The following HPSE2 variants were observed in gnomAD, a reference collection of about 807,000 sequenced individuals.
The protein encoded by HPSE2 is inactive heparanase-2.
A neutral mutation model predicts 60.5 loss-of-function variants in HPSE2; 38 were observed. The ratio of observed to expected loss-of-function variants is 0.63; its 90% CI spans 0.48 to 0.82. The LOEUF (loss-of-function observed/expected upper bound fraction) is 0.82. Among genes scored for constraint, HPSE2 ranks in the 40% least tolerant of loss-of-function variants. The pLI, the probability that HPSE2 is intolerant of heterozygous loss-of-function variation, is 0.00. For synonymous variants in HPSE2, 295 were observed against 293.2 expected (o/e 1.01, Z -0.06); for missense variants, 713 against 740.4 (o/e 0.96, Z 0.43).
intron 6 of HPSE2, among the ~76,000 whole-genome samples, chr10:98,647,404 G>A (rs1283587257): frequency 6.6e-6 from 1 of 152,176 alleles, no homozygotes; most frequent in African/African-American, 2.4e-5. Context: ...TTTATTTCAG[G>A]TAATTGCATT....
intron 2 of HPSE2, among the ~76,000 whole-genome samples, chr10:99,181,705 G>C (rs1471605363): frequency 5.3e-5 from 8 of 152,110 alleles, no homozygotes; most frequent in Non-Finnish European, 1.5e-5. Flanking sequence ...ACAGGGAGGG[G>C]AACATCACAC....
chr10:98,528,762 G>T (rs1943047118), intron 9 of HPSE2, among the ~76,000 whole-genome samples: 1 of 152,204 alleles, frequency 6.6e-6, no homozygotes, highest in African/African-American at 2.4e-5. Flanking sequence ...TTAGAACATG[G>T]GGAGCCAAGT....
At chr10:98,730,967 G>T (rs1428737931) in intron 4 of HPSE2, among the ~76,000 whole-genome samples, 1 of 152,120 alleles carries the variant, frequency 6.6e-6, no homozygotes, top group Non-Finnish European at 1.5e-5. Flanking sequence ...GGCCAATATT[G>T]CCCTGACACC....
chr10:98,761,498 A>T (rs1165060254), intron 3 of HPSE2, among the ~76,000 whole-genome samples: 2 of 151,892 alleles, frequency 1.3e-5, no homozygotes, highest in Non-Finnish European at 2.9e-5. Context: ...TTTTTTCTTA[A>T]TGTAGGCATT....
At chr10:98,806,680 T>C (rs921371809) in intron 3 of HPSE2, among the ~76,000 whole-genome samples, 1 of 152,254 alleles carries the variant, frequency 6.6e-6, no homozygotes, top group African/African-American at 2.4e-5. Flanking sequence ...GTTAAATGGA[T>C]ATAATACTTT....
intron 9 of HPSE2, among the ~76,000 whole-genome samples, chr10:98,523,823 A>G (rs972358388): frequency 6.6e-6 from 1 of 152,226 alleles, no homozygotes; most frequent in Non-Finnish European, 1.5e-5. Flanking sequence ...CTGCCTCAGT[A>G]AAGTTTCCTT....
chr10:99,109,603 A>C (rs958999345), intron 3 of HPSE2, among the ~76,000 whole-genome samples: 9 of 152,046 alleles, frequency 5.9e-5, no homozygotes, highest in Non-Finnish European at 8.8e-5. Flanking sequence ...ATCTCAAGAG[A>C]AGTGTTCTCA....
intron 3 of HPSE2, among the ~76,000 whole-genome samples, chr10:98,944,768 C>G (rs1396334601): frequency 6.6e-6 from 1 of 152,094 alleles, no homozygotes; most frequent in Non-Finnish European, 1.5e-5. Flanking sequence ...CTTCATTCAT[C>G]CATGTTTGAA....
intron 3 of HPSE2, among the ~76,000 whole-genome samples, chr10:98,813,192 G>A (rs773547331): frequency 4.6e-5 from 7 of 152,198 alleles, no homozygotes; most frequent in South Asian, 2.1e-4. Flanking sequence ...CTTACCAAGC[G>A]TTAAACAACT....
At chr10:99,222,745 G>A (rs1182052468) in intron 2 of HPSE2, among the ~76,000 whole-genome samples, 2 of 152,052 alleles carry the variant, frequency 1.3e-5, no homozygotes, top group Non-Finnish European at 2.9e-5. Flanking sequence ...TGGATCAGTT[G>A]TTGTTCTACT....
chr10:98,903,958 A>C (rs1161733590), intron 3 of HPSE2, among the ~76,000 whole-genome samples: 1 of 152,124 alleles, frequency 6.6e-6, no homozygotes, highest in African/African-American at 2.4e-5. Flanking sequence ...TTATAATCTT[A>C]AGTCAGTCAT....
At chr10:99,102,038 A>T (rs1844018917) in intron 3 of HPSE2, among the ~76,000 whole-genome samples, 1 of 152,362 alleles carries the variant, frequency 6.6e-6, no homozygotes, top group Non-Finnish European at 1.5e-5. Flanking sequence ...AGCAGGAAAG[A>T]TCTAAAATTG....
At chr10:99,124,386 G>C (rs1845085112) in intron 3 of HPSE2, among the ~76,000 whole-genome samples, 1 of 152,164 alleles carries the variant, frequency 6.6e-6, no homozygotes, top group African/African-American at 2.4e-5. Flanking sequence ...GCTTGAAGGT[G>C]GGGCTTCACC....
intron 3 of HPSE2, among the ~76,000 whole-genome samples, chr10:98,917,150 A>T (rs887179124): frequency 1.3e-5 from 2 of 152,202 alleles, no homozygotes; most frequent in African/African-American, 4.8e-5. Context: ...ATCATTGTCA[A>T]CTTACATGCA....
intron 3 of HPSE2, among the ~76,000 whole-genome samples, chr10:98,873,737 G>C (rs1218286549): frequency 6.6e-6 from 1 of 151,908 alleles, no homozygotes; most frequent in Admixed American, 6.6e-5. Context: ...ACCAGTAATG[G>C]GATTGCTGGG....
In HPSE2 at chr10:98,778,264, CAG is replaced by C. The variant is rs143885408; in HGVS notation, c.611-34210_611-34209del. On this transcript the variant is annotated intron_variant, in intron 3 of 11. Transcript: ENST00000370552. ...TGCAGGATGCTCAGTGAGAGAGAGA[CAG>C]AGAGAGAGAGAGAGAGAGAGAGAGA... 2.1e-3 allele frequency among the ~76,000 whole-genome samples: 236 copies of C among 112,626 alleles called. 2 individuals are homozygous for C. Among genetic ancestry groups the C allele is most frequent in the African/African-American group, 4.3e-3 (128 of 29,578 alleles). The allele number at this position is 112,626 out of a possible 152,430, so 73.9% of individuals were successfully genotyped here.
intron 3 of HPSE2, among the ~76,000 whole-genome samples, chr10:99,008,264 T>A (rs1156475446): frequency 6.6e-6 from 1 of 152,212 alleles, no homozygotes; most frequent in East Asian, 1.9e-4. Context: ...ATTGTTTTCT[T>A]TTTTTACACT....
intron 4 of HPSE2, among the ~76,000 whole-genome samples, chr10:98,743,511 T>A (rs1949552861): frequency 6.6e-6 from 1 of 152,212 alleles, no homozygotes; most frequent in Non-Finnish European, 1.5e-5. Context: ...ATTATTATTT[T>A]AGAAGGATCA....
intron 3 of HPSE2, among the ~76,000 whole-genome samples, chr10:99,070,762 GTCTT>G (rs1564782979): frequency 6.6e-6 from 1 of 152,114 alleles, no homozygotes; most frequent in South Asian, 2.1e-4. Context: ...TACAGTATTC[GTCTT>G]TCTGTGACTG....
Sources: gnomAD v4.1 joint callset for allele counts (sites outside exome capture counted in the v4.1 genomes callset) on GRCh38, gnomAD v4.1.1 for gene constraint, MANE v1.5 for transcripts, NCBI Gene and HGNC (gene_info 2026-07-23, HGNC 2026-07-21) for gene names.